ZBTB20: variants seen among roughly 807,000 people sequenced by gnomAD.
ZBTB20 encodes zinc finger and BTB domain containing 20.
A neutral mutation model predicts 56.9 loss-of-function variants in ZBTB20; 9 were observed. The ratio of observed to expected loss-of-function variants is 0.16; its 90% CI spans 0.10 to 0.28. The LOEUF (loss-of-function observed/expected upper bound fraction) is 0.28. Among genes scored for constraint, ZBTB20 ranks in the 10% least tolerant of loss-of-function variants. ZBTB20 has a pLI of 1.00. For missense variants in ZBTB20, 655 were observed against 1,003.0 expected (o/e 0.65, Z 4.69); for synonymous variants, 417 against 420.7 (o/e 0.99, Z 0.11).
intron 1 of ZBTB20, among the ~76,000 whole-genome samples, chr3:115,101,599 C>G (rs997456476): frequency 3.9e-5 from 6 of 152,126 alleles, no homozygotes; most frequent in African/African-American, 1.4e-4. Flanking sequence ...TCTAGACACC[C>G]ACCTTCCTTA....
intron 7 of ZBTB20, among the ~76,000 whole-genome samples, chr3:114,416,940 G>A (rs2088623204): frequency 6.6e-6 from 1 of 151,992 alleles, no homozygotes; most frequent in African/African-American, 2.4e-5. Flanking sequence ...TAATACCTTT[G>A]GTGATTCATT....
chr3:114,344,628 T>C (rs1373803644), intron 11 of ZBTB20, among the ~76,000 whole-genome samples: 1 of 152,240 alleles, frequency 6.6e-6, no homozygotes, highest in Non-Finnish European at 1.5e-5. Context: ...GTTACAGAAC[T>C]TAGCCAAAGT....
chr3:114,470,886 G>T (rs536859077), intron 7 of ZBTB20, among the ~76,000 whole-genome samples: 1 of 152,070 alleles, frequency 6.6e-6, no homozygotes, highest in East Asian at 1.9e-4. Context: ...ATTCATCTTT[G>T]TCCAGTGTAT....
At chr3:114,579,763 T>G (rs776607284) in intron 6 of ZBTB20, among the ~76,000 whole-genome samples, 2 of 151,464 alleles carry the variant, frequency 1.3e-5, no homozygotes, top group Non-Finnish European at 3.0e-5. Context: ...TTAAAAATCA[T>G]AAGAATATAT....
Position 114,350,298 on chromosome 3 carries a change from C to T in ZBTB20, c.1780G>A (p.Val594Ile), listed in dbSNP as rs2080558108. ...NKTFTAKQNYVKHMFVHTGEK... is the reference protein window; with the variant it reads ...NKTFTAKQNYIKHMFVHTGEK... ...CCTGTGTGTACGAACATGTGCTTGA[C>T]GTAGTTCTGTTTGGCGGTGAAAGTC... The change falls in exon 11 of 12, where the codon GTC (valine) becomes ATC (isoleucine). Residue 594 changes from valine (V) to isoleucine (I), a missense_variant. Val to Ile is a conservative substitution (Grantham distance 29, BLOSUM62 3). Around this residue, in one of 10 missense-constraint regions of ZBTB20, gnomAD observed 10 missense variants for 98.5 expected, o/e 0.10. Coordinates refer to ENST00000675478, the MANE Select transcript of ZBTB20 (RefSeq NM_001348800.3). 1.9e-6 allele frequency: 3 copies of T among 1,611,408 alleles called. No homozygotes were observed. The highest frequency in any genetic ancestry group is 2.5e-6 in the Non-Finnish European group (3 of 1,178,060).
chr3:114,424,586 A>G (rs187238004), intron 7 of ZBTB20, among the ~76,000 whole-genome samples: 1 of 152,228 alleles, frequency 6.6e-6, no homozygotes, highest in East Asian at 1.9e-4. Flanking sequence ...ATGTATTAAC[A>G]TGGGAGCAAA....
At chr3:114,490,285 G>A (rs532671701) in intron 7 of ZBTB20, among the ~76,000 whole-genome samples, 2 of 151,960 alleles carry the variant, frequency 1.3e-5, no homozygotes, top group African/African-American at 2.4e-5. Context: ...GCAGTGGTGC[G>A]ATCTCGGCTT....
intron 6 of ZBTB20, among the ~76,000 whole-genome samples, chr3:114,604,586 C>G (rs1577901458): frequency 6.6e-6 from 1 of 151,770 alleles, no homozygotes; most frequent in Non-Finnish European, 1.5e-5. Context: ...AAAATGAGAA[C>G]AGCATAGCAA....
chr3:114,740,345 A>T lies in ZBTB20; in HGVS notation c.-342-46770T>A, dbSNP rs1212111743. Among the ~76,000 whole-genome samples, 3 of 152,310 alleles carry T rather than the reference A, an allele frequency of 2.0e-5. 1 individual carries two copies. Reference sequence around the variant, plus strand: ...ATAGGTATGATGCTAATGAATGGTAAATTTTCAATAGAGATCCATCGACCA... The same window carrying T: ...ATAGGTATGATGCTAATGAATGGTATATTTTCAATAGAGATCCATCGACCA... On this transcript the variant is annotated intron_variant, in intron 5 of 11. Transcript: ENST00000675478.
chr3:114,963,185 G>A (rs1054081180), intron 3 of ZBTB20, among the ~76,000 whole-genome samples: 3 of 151,890 alleles, frequency 2.0e-5, no homozygotes, highest in Middle Eastern at 3.2e-3. Flanking sequence ...AGTAATTAAT[G>A]TCCCAATCTG....
intron 5 of ZBTB20, among the ~76,000 whole-genome samples, chr3:114,769,343 G>C (rs376636412): frequency 6.6e-6 from 1 of 151,438 alleles, no homozygotes; most frequent in South Asian, 2.1e-4. Flanking sequence ...TCAATGAGTG[G>C]ATAAAGAAAC....
intron 7 of ZBTB20, among the ~76,000 whole-genome samples, chr3:114,443,725 A>G (rs2091080737): frequency 6.6e-6 from 1 of 152,216 alleles, no homozygotes; most frequent in African/African-American, 2.4e-5. Flanking sequence ...AAGTAATAGT[A>G]GCAATAACAA....
intron 6 of ZBTB20, among the ~76,000 whole-genome samples, chr3:114,631,331 T>G (rs1316102400): frequency 6.6e-6 from 1 of 151,310 alleles, no homozygotes; most frequent in East Asian, 1.9e-4. Flanking sequence ...CATATTTGCT[T>G]CTTCTATGAC....
At chr3:114,676,617 C>T (rs903080889) in intron 6 of ZBTB20, among the ~76,000 whole-genome samples, 7 of 151,980 alleles carry the variant, frequency 4.6e-5, no homozygotes, top group African/African-American at 7.2e-5. Flanking sequence ...CGTGTATTAA[C>T]ATTCATAACA....
intron 1 of ZBTB20, among the ~76,000 whole-genome samples, chr3:115,143,996 A>C (rs1018420977): frequency 2.0e-5 from 3 of 152,228 alleles, no homozygotes; most frequent in African/African-American, 4.8e-5. Context: ...GTGACATTAG[A>C]ATGTAAGCTC....
At chr3:114,769,668 C>A (rs2069055461) in intron 5 of ZBTB20, among the ~76,000 whole-genome samples, 1 of 149,254 alleles carries the variant, frequency 6.7e-6, no homozygotes, top group South Asian at 2.1e-4. Context: ...AGATTGGAGA[C>A]TATTATTCTA....
chr3:114,476,617 A>G (rs1035767526), intron 7 of ZBTB20, among the ~76,000 whole-genome samples: 3 of 152,196 alleles, frequency 2.0e-5, no homozygotes, highest in African/African-American at 4.8e-5. Flanking sequence ...ACTCACTTCT[A>G]TAATGAACCC....
chr3:115,040,695 G>T (rs767313736), intron 2 of ZBTB20, among the ~76,000 whole-genome samples: 1 of 152,018 alleles, frequency 6.6e-6, no homozygotes, highest in African/African-American at 2.4e-5. Flanking sequence ...GTTTAATCTT[G>T]GGCACAAAGA....
chr3:114,639,903 A>G lies in ZBTB20; in HGVS notation c.-295+53625T>C, dbSNP rs368256637. Among the ~76,000 whole-genome samples the G allele has an allele frequency of 1.3e-3, 203 of 152,182 alleles. 3 individuals carry two copies. In the South Asian group the frequency reaches 0.04, roughly 30 times the overall value. On this transcript the variant is annotated intron_variant, in intron 6 of 11. Transcript: ENST00000675478. ...TTCTCATAAATATTATCTGTTTTCA[A>G]AAGAATATTTATTTTTTTGCCCATT...
Sources: allele counts gnomAD v4.1 joint callset (sites outside exome capture counted in the v4.1 genomes callset), GRCh38; gene constraint gnomAD v4.1.1; regional missense constraint gnomAD v4.1.1; transcripts MANE v1.5; gene names NCBI Gene and HGNC (gene_info 2026-07-23, HGNC 2026-07-21).